The following CNTN6 variants were observed in gnomAD, a reference collection of about 807,000 sequenced individuals.
CNTN6 encodes contactin-6.
Under a neutral mutation model 122.8 loss-of-function variants are expected in CNTN6, and 137 were observed. The ratio of observed to expected loss-of-function variants is 1.12; its 90% CI spans 0.97 to 1.29. The LOEUF is 1.29. Ranked by LOEUF, CNTN6 falls within the 50% of genes most tolerant of loss-of-function variation. The probability of loss-of-function intolerance (pLI) is 0.00; values close to 1 mark genes in which losing one functional copy is unlikely to be tolerated. For synonymous variants in CNTN6, 570 were observed against 426.0 expected (o/e 1.34, Z -4.16); for missense variants, 1,634 against 1,223.4 (o/e 1.34, Z -5.01).
At chr3:1,154,142 G>T (rs962606868) in intron 2 of CNTN6, among the ~76,000 whole-genome samples, 1 of 152,094 alleles carries the variant, frequency 6.6e-6, no homozygotes, top group Non-Finnish European at 1.5e-5. Context: ...CAAAGTAATT[G>T]ATTCTTAAAC....
intron 2 of CNTN6, among the ~76,000 whole-genome samples, chr3:1,151,179 G>A (rs1366467581): frequency 6.6e-6 from 1 of 152,140 alleles, no homozygotes; most frequent in Non-Finnish European, 1.5e-5. Context: ...AGAAACTGAA[G>A]TTTCTTCCTC....
At chr3:1,323,338 G>A (rs1235142560) in intron 8 of CNTN6, among the ~76,000 whole-genome samples, 3 of 151,764 alleles carry the variant, frequency 2.0e-5, no homozygotes, top group African/African-American at 4.8e-5. Flanking sequence ...AACTGCCATA[G>A]CATTTCAACA....
chr3:1,239,382 A>C (rs1332074892), intron 4 of CNTN6, among the ~76,000 whole-genome samples: 1 of 152,204 alleles, frequency 6.6e-6, no homozygotes, highest in Non-Finnish European at 1.5e-5. Context: ...ACAGTGACCA[A>C]GCTGAAAATC....
chr3:1,335,865 C>CA (rs759061087), intron 11 of CNTN6, among the ~76,000 whole-genome samples: 1 of 151,668 alleles, frequency 6.6e-6, no homozygotes, highest in Non-Finnish European at 1.5e-5. Flanking sequence ...CCTGTCTCTG[C>CA]AAAAAAATTT....
chr3:1,292,901 T>TCACA (rs139871808), intron 5 of CNTN6, among the ~76,000 whole-genome samples: 14 of 151,254 alleles, frequency 9.3e-5, no homozygotes, highest in South Asian at 2.1e-4. Context: ...CATAAACATA[T>TCACA]CACACACACA....
At chr3:1,253,530 C>T (rs565165512) in intron 4 of CNTN6, among the ~76,000 whole-genome samples, 2 of 152,112 alleles carry the variant, frequency 1.3e-5, no homozygotes, top group Non-Finnish European at 2.9e-5. Flanking sequence ...TTGATGACAT[C>T]GTTTTCAACT....
At chr3:1,352,545 G>A (rs1705820382) in intron 12 of CNTN6, 94 bp downstream of exon 12, 3 of 1,444,522 alleles carry the variant, frequency 2.1e-6, no homozygotes, top group African/African-American at 1.4e-5. Context: ...ACCATATTGT[G>A]TATGTAAAAT....
Position 1,321,645 on chromosome 3 carries a change from T to C in CNTN6, c.762-5T>C, listed in dbSNP as rs777432226. On this transcript the variant is annotated splice_polypyrimidine_tract_variant and splice_region_variant and intron_variant, in intron 7 of 22. Coordinates refer to ENST00000446702, the MANE Select transcript of CNTN6 (RefSeq NM_001289080.2). ...CTTCTATTCTAATGAGGTGTAACTGTTTAGTCCAGTCCCCGATATTAGTTG... is the reference window on the plus strand; with the variant it reads ...CTTCTATTCTAATGAGGTGTAACTGCTTAGTCCAGTCCCCGATATTAGTTG... 4 of 1,609,094 alleles carry C rather than the reference T, an allele frequency of 2.5e-6. No homozygotes were observed. In the Admixed American group the frequency reaches 6.7e-5, roughly 27 times the overall value.
At chr3:1,324,776 T>C (rs747435255) in intron 8 of CNTN6, among the ~76,000 whole-genome samples, 1 of 149,746 alleles carries the variant, frequency 6.7e-6, no homozygotes. Context: ...CAAATGAACA[T>C]GTGGAACTCA....
At chr3:1,399,395 A>G (rs1695391049) in intron 20 of CNTN6, among the ~76,000 whole-genome samples, 1 of 152,144 alleles carries the variant, frequency 6.6e-6, no homozygotes, top group Non-Finnish European at 1.5e-5. Context: ...ATATGTTGAT[A>G]AGCATTATAA....
intron 2 of CNTN6, among the ~76,000 whole-genome samples, chr3:1,200,617 T>G (rs2093849618): frequency 6.6e-6 from 1 of 152,172 alleles, no homozygotes; most frequent in Admixed American, 6.5e-5. Context: ...TTTTTTAAGC[T>G]CCATAAATGC....
chr3:1,398,009 T>C (rs1695197659), intron 20 of CNTN6, among the ~76,000 whole-genome samples: 1 of 152,112 alleles, frequency 6.6e-6, no homozygotes, highest in African/African-American at 2.4e-5. Context: ...TTAATGTTGC[T>C]CTGTCATTTG....
chr3:1,191,387 TA>T (rs1246728621), intron 2 of CNTN6, among the ~76,000 whole-genome samples: 1 of 152,114 alleles, frequency 6.6e-6, no homozygotes, highest in African/African-American at 2.4e-5. Context: ...TAATAATTAA[TA>T]ATGTCTATGT....
intron 1 of CNTN6, among the ~76,000 whole-genome samples, chr3:1,095,332 G>A (rs186755664): frequency 1.8e-3 from 269 of 152,166 alleles, no homozygotes; most frequent in African/African-American, 6.3e-3. Flanking sequence ...TTAGCTGGGC[G>A]TTTTGGCGTG....
At position 1,321,705 on chromosome 3, in the gene CNTN6, G is replaced by A. The variant is rs1381363937; in HGVS notation, c.817G>A (p.Val273Ile). 2 of 1,611,778 alleles carry A rather than the reference G, an allele frequency of 1.2e-6. No homozygotes were observed. Among genetic ancestry groups the A allele is most frequent in the East Asian group, 2.2e-5 (1 of 44,790 alleles). ...GGACGGGAGCCCGTTGCCAGGGAAAGTCAAGTACAGCAAATCCCAAGCTAT... is the reference window on the plus strand; with the variant it reads ...GGACGGGAGCCCGTTGCCAGGGAAAATCAAGTACAGCAAATCCCAAGCTAT... ...RLDGSPLPGKVKYSKSQAILE... is the reference protein window; with the variant it reads ...RLDGSPLPGKIKYSKSQAILE... The change falls in exon 8 of 23, where the codon GTC becomes ATC. Residue 273 changes from valine (V) to isoleucine (I), a missense_variant. Coordinates refer to ENST00000446702, the MANE Select transcript of CNTN6 (RefSeq NM_001289080.2).
At chr3:1,380,634 G>A (rs1353839466) in intron 17 of CNTN6, among the ~76,000 whole-genome samples, 1 of 152,142 alleles carries the variant, frequency 6.6e-6, no homozygotes, top group Non-Finnish European at 1.5e-5. Context: ...AAAATATTCA[G>A]TCTCGTGGGC....
intron 11 of CNTN6, among the ~76,000 whole-genome samples, chr3:1,346,620 C>T (rs1022317072): frequency 2.6e-5 from 4 of 152,102 alleles, no homozygotes; most frequent in African/African-American, 9.7e-5. Context: ...GCTGCAGCTG[C>T]CCAACCGTGA....
At chr3:1,310,773 G>A (rs531007054) in intron 7 of CNTN6, among the ~76,000 whole-genome samples, 2 of 152,080 alleles carry the variant, frequency 1.3e-5, no homozygotes, top group Admixed American at 6.6e-5. Flanking sequence ...AGGCTGAGGC[G>A]GGCAGATCGC....
intron 2 of CNTN6, among the ~76,000 whole-genome samples, chr3:1,208,515 C>G (rs1038638524): frequency 3.9e-5 from 6 of 152,004 alleles, no homozygotes; most frequent in African/African-American, 1.4e-4. Flanking sequence ...TCTCTGGGCT[C>G]CTTTAAAATT....
Sources: gnomAD v4.1 joint callset for allele counts (sites outside exome capture counted in the v4.1 genomes callset) on GRCh38, gnomAD v4.1.1 for gene constraint, MANE v1.5 for transcripts, NCBI Gene and HGNC (gene_info 2026-07-23, HGNC 2026-07-21) for gene names.